SERPINI2: variants seen among roughly 807,000 people sequenced by gnomAD.
SERPINI2 encodes serpin I2.
Under a neutral mutation model 47.3 loss-of-function variants are expected in SERPINI2, and 48 were observed. That is an observed-to-expected ratio of 1.02 (90% CI 0.81 to 1.29). The LOEUF (loss-of-function observed/expected upper bound fraction) is 1.29, where lower values mean the gene tolerates loss of function less well. SERPINI2 is among the 50% of genes most tolerant of loss of function. The pLI is 0.00. For missense variants in SERPINI2, 448 were observed against 456.9 expected (o/e 0.98, Z 0.18); for synonymous variants, 135 against 149.3 (o/e 0.90, Z 0.70).
chr3:167,465,529 C>A (rs375412954), exon 4 of SERPINI2: 1 of 1,612,002 alleles, frequency 6.2e-7, no homozygotes, highest in South Asian at 1.1e-5. Context: ...GACAGTTGAA[C>A]CATTTTTCTT....
At chr3:167,449,125 C>G (rs553157549) in intron 7 of SERPINI2, among the ~76,000 whole-genome samples, 191 bp downstream of exon 7, 24 of 152,020 alleles carry the variant, frequency 1.6e-4, no homozygotes, top group African/African-American at 5.5e-4. Flanking sequence ...CCCTTCCCTT[C>G]CTTTTTGTAT....
intron 2 of SERPINI2, among the ~76,000 whole-genome samples, 172 bp from the exon 3 acceptor site, chr3:167,467,457 A>G (rs1193626940): frequency 1.3e-5 from 2 of 152,192 alleles, no homozygotes; most frequent in East Asian, 3.8e-4. Context: ...CTCCTGTAGA[A>G]TATGCATTTT....
At chr3:167,458,142 C>A (rs890205111) in intron 5 of SERPINI2, among the ~76,000 whole-genome samples, 19 of 151,384 alleles carry the variant, frequency 1.3e-4, no homozygotes, top group African/African-American at 4.6e-4. Flanking sequence ...GTTTACAATT[C>A]ATTTCCTGTG....
At chr3:167,444,977 T>C (rs1252407648) in intron 8 of SERPINI2, among the ~76,000 whole-genome samples, 1 of 152,208 alleles carries the variant, frequency 6.6e-6, no homozygotes, top group East Asian at 1.9e-4. Flanking sequence ...TCTGTCTCCA[T>C]ACTACATAAT....
chr3:167,464,886 C>T (rs1577176201), intron 5 of SERPINI2, among the ~76,000 whole-genome samples: 1 of 151,844 alleles, frequency 6.6e-6, no homozygotes, highest in African/African-American at 2.4e-5. Flanking sequence ...TTAAAAATTC[C>T]AGTCAGGAAA....
chr3:167,444,342 T>A (rs1321406440), intron 8 of SERPINI2, among the ~76,000 whole-genome samples: 1 of 152,148 alleles, frequency 6.6e-6, no homozygotes, highest in African/African-American at 2.4e-5. Flanking sequence ...ATTCATCTGA[T>A]AGGAAAATCC....
intron 5 of SERPINI2, among the ~76,000 whole-genome samples, chr3:167,464,738 A>T (rs911539036): frequency 1.3e-5 from 2 of 152,196 alleles, no homozygotes; most frequent in Non-Finnish European, 2.9e-5. Flanking sequence ...TTTTGTACTA[A>T]CTACCTAAAA....
At chr3:167,460,072 T>G (rs1025561873) in intron 5 of SERPINI2, among the ~76,000 whole-genome samples, 6 of 152,212 alleles carry the variant, frequency 3.9e-5, no homozygotes, top group African/African-American at 1.4e-4. Flanking sequence ...CACCTTGATT[T>G]TGACATTTAG....
intron 5 of SERPINI2, among the ~76,000 whole-genome samples, chr3:167,456,567 C>A (rs1396060001): frequency 1.3e-5 from 2 of 152,178 alleles, no homozygotes; most frequent in Non-Finnish European, 2.9e-5. Context: ...CTACTGCTCA[C>A]CCTATCACTG....
chr3:167,455,497 G>A (rs866477048), intron 5 of SERPINI2, among the ~76,000 whole-genome samples: 2 of 150,848 alleles, frequency 1.3e-5, no homozygotes, highest in African/African-American at 4.9e-5. Context: ...CTCTGGGTTT[G>A]TGTTATCATC....
chr3:167,454,042 T>C (rs1205254635), intron 5 of SERPINI2, among the ~76,000 whole-genome samples: 1 of 152,206 alleles, frequency 6.6e-6, no homozygotes. Flanking sequence ...TTCCAGGCAA[T>C]TCCCAATGAG....
intron 1 of SERPINI2, among the ~76,000 whole-genome samples, chr3:167,472,927 C>G (rs1446776679): frequency 6.6e-6 from 1 of 151,578 alleles, no homozygotes; most frequent in East Asian, 1.9e-4. Flanking sequence ...CAGTAAGTTA[C>G]TAGGAAGTAA....
At chr3:167,456,525 C>T (rs9819596) in intron 5 of SERPINI2, among the ~76,000 whole-genome samples, 21,829 of 152,120 alleles carry the variant, frequency 0.14, 2,015 homozygotes, top group East Asian at 0.4. Flanking sequence ...TTTGAAAAGT[C>T]TCCTTGGTAC....
At chr3:167,452,881 G>T in intron 6 of SERPINI2, 55 bp downstream of exon 6, 1 of 1,070,048 alleles carries the variant, frequency 9.3e-7, no homozygotes, top group South Asian at 1.4e-5. Flanking sequence ...GCTAGTTAAT[G>T]TAGTCCTAAC....
At chr3:167,460,084 C>T (rs1749944176) in intron 5 of SERPINI2, among the ~76,000 whole-genome samples, 1 of 152,162 alleles carries the variant, frequency 6.6e-6, no homozygotes, top group Admixed American at 6.5e-5. Context: ...GACATTTAGC[C>T]TCCAGACTGT....
chr3:167,473,587 CAGTATT>C (rs1284262546), intron 1 of SERPINI2: 1 of 380,794 alleles, frequency 2.6e-6, no homozygotes, highest in Non-Finnish European at 4.6e-6. Flanking sequence ...GGTAGAATCT[CAGTATT>C]AGAGTTTCCT....
chr3:167,461,547 A>C (rs1489301321), intron 5 of SERPINI2, among the ~76,000 whole-genome samples: 1 of 151,928 alleles, frequency 6.6e-6, no homozygotes, highest in Non-Finnish European at 1.5e-5. Context: ...GTTTGAGATG[A>C]CGAGGGCGTA....
rs1048722610 is a variant in SERPINI2 at position 167,449,484 on chromosome 3, T to G, written c.965-82A>C. ...CCTATTAGATCTCAATTAATTACAT[T>G]TATTTATTTATTTATTTATTTATTT... On this transcript the variant is annotated intron_variant, in intron 6 of 8. Coordinates refer to ENST00000264677, the Ensembl canonical transcript of SERPINI2. The G allele has an allele frequency of 2.8e-5, 15 of 527,398 alleles. No homozygotes were observed. In the African/African-American group the frequency reaches 3.1e-4, roughly 11 times the overall value. The allele number at this position is 527,398 out of a possible 1,614,324, so 32.7% of individuals were successfully genotyped here. A position where few individuals can be genotyped will look rare whatever the true frequency, so the allele number is the denominator to read the frequency against.
At chr3:167,450,338 G>A (rs571302214) in intron 6 of SERPINI2, among the ~76,000 whole-genome samples, 22 of 152,194 alleles carry the variant, frequency 1.4e-4, no homozygotes, top group South Asian at 1.0e-3. Context: ...TCCCCTTGGT[G>A]GAACTGATGT....
Sources: allele counts gnomAD v4.1 joint callset (sites outside exome capture counted in the v4.1 genomes callset), GRCh38; gene constraint gnomAD v4.1.1; transcripts MANE v1.5; gene names NCBI Gene and HGNC (gene_info 2026-07-23, HGNC 2026-07-21).